The following PCDHA7 variants were observed in gnomAD, a reference collection of about 807,000 sequenced individuals.
The protein encoded by PCDHA7 is protocadherin alpha-7.
Under a neutral mutation model 57.2 loss-of-function variants are expected in PCDHA7, and 37 were observed. The ratio of observed to expected loss-of-function variants is 0.65; its 90% CI spans 0.50 to 0.85. The LOEUF (loss-of-function observed/expected upper bound fraction) is 0.85, where lower values mean the gene tolerates loss of function less well. Ranked by LOEUF, PCDHA7 falls within the 40% of genes least tolerant of loss-of-function variation. PCDHA7 has a pLI of 0.00. For missense variants in PCDHA7, 1,188 were observed against 1,241.8 expected (o/e 0.96, Z 0.65); for synonymous variants, 553 against 558.8 (o/e 0.99, Z 0.15).
intron 1 of PCDHA7, among the ~76,000 whole-genome samples, chr5:140,940,019 T>C (rs1554213082): frequency 6.6e-6 from 1 of 152,230 alleles, no homozygotes; most frequent in East Asian, 1.9e-4. Context: ...TTGTGTCATA[T>C]GTTTTAAGGC....
intron 1 of PCDHA7, among the ~76,000 whole-genome samples, chr5:140,974,079 G>A (rs1554235799): frequency 6.6e-6 from 1 of 152,180 alleles, no homozygotes. Flanking sequence ...CTATAACCAT[G>A]ACTTCAAAAA....
chr5:140,968,195 T>C, intron 1 of PCDHA7: 1 of 1,614,076 alleles, frequency 6.2e-7, no homozygotes, highest in East Asian at 2.2e-5. Context: ...CTATTCCATC[T>C]ACATACAGGA....
At chr5:140,900,177 A>G (rs1213706705) in intron 1 of PCDHA7, among the ~76,000 whole-genome samples, 1 of 152,194 alleles carries the variant, frequency 6.6e-6, no homozygotes, top group South Asian at 2.1e-4. Context: ...TGCCTGGTTT[A>G]TGTCACTTAT....
chr5:140,844,390 A>G (rs1233880656), intron 1 of PCDHA7, among the ~76,000 whole-genome samples: 1 of 149,636 alleles, frequency 6.7e-6, no homozygotes, highest in Non-Finnish European at 1.5e-5. Flanking sequence ...TTCATTATTT[A>G]GACCATTTTA....
At chr5:140,903,166 T>C (rs758397398) in intron 1 of PCDHA7, among the ~76,000 whole-genome samples, 34 of 152,226 alleles carry the variant, frequency 2.2e-4, no homozygotes, top group Non-Finnish European at 2.5e-4. Context: ...TGTGCTGGTT[T>C]ACATTCCCAC....
At chr5:140,977,342 T>A (rs1554238451) in intron 1 of PCDHA7, among the ~76,000 whole-genome samples, 1 of 152,222 alleles carries the variant, frequency 6.6e-6, no homozygotes, top group South Asian at 2.1e-4. Context: ...GAGACGGTGA[T>A]GATGACTGAT....
chr5:140,858,610 T>G, intron 1 of PCDHA7: 1 of 1,234,746 alleles, frequency 8.1e-7, no homozygotes, highest in Non-Finnish European at 1.1e-6. Flanking sequence ...TAAAATTTTT[T>G]TATCCTACCC....
At chr5:140,989,531 G>C (rs782610172) in intron 3 of PCDHA7, among the ~76,000 whole-genome samples, 1 of 152,198 alleles carries the variant, frequency 6.6e-6, no homozygotes, top group Non-Finnish European at 1.5e-5. Flanking sequence ...AGAGGAGGAA[G>C]ATAGTTTGTA....
rs552517946 is a variant in PCDHA7 at position 140,913,359 on chromosome 5, A to G, written c.2356-65590A>G. Reference sequence around the variant, plus strand: ...TTTATCCATTTCCTCTAGATTTTTAAATTTATTGGCATATAGTGGCTCATC... The same window carrying G: ...TTTATCCATTTCCTCTAGATTTTTAGATTTATTGGCATATAGTGGCTCATC... On this transcript the variant is annotated intron_variant, in intron 1 of 3. Coordinates refer to ENST00000525929, the MANE Select transcript of PCDHA7 (RefSeq NM_018910.3). Among the ~76,000 whole-genome samples, 4 of 152,082 alleles carry G rather than the reference A, an allele frequency of 2.6e-5. No homozygotes were observed. In the East Asian group the frequency reaches 7.7e-4, roughly 29 times the overall value.
chr5:140,842,235 G>A (rs201880118), intron 1 of PCDHA7: 39 of 1,612,410 alleles, frequency 2.4e-5, no homozygotes, highest in Non-Finnish European at 3.0e-5. Flanking sequence ...ATAGTGATTC[G>A]GGGTAATTTG....
intron 3 of PCDHA7, among the ~76,000 whole-genome samples, chr5:141,005,018 T>G (rs2098193299): frequency 6.6e-6 from 1 of 152,250 alleles, no homozygotes; most frequent in Non-Finnish European, 1.5e-5. Context: ...AGCTGCATTA[T>G]ATATAATTGC....
At chr5:140,957,194 G>A (rs2095341106) in intron 1 of PCDHA7, among the ~76,000 whole-genome samples, 1 of 152,012 alleles carries the variant, frequency 6.6e-6, no homozygotes, top group Non-Finnish European at 1.5e-5. Context: ...TGACCGATTG[G>A]GAATATAAAT....
chr5:140,854,252 TA>T, intron 1 of PCDHA7: 1 of 628,060 alleles, frequency 1.6e-6, no homozygotes, highest in Non-Finnish European at 2.0e-6. Flanking sequence ...TCACTTGGTA[TA>T]AAATGTACAT....
intron 1 of PCDHA7, among the ~76,000 whole-genome samples, chr5:140,951,497 A>G (rs2094591184): frequency 6.6e-6 from 1 of 152,030 alleles, no homozygotes; most frequent in Non-Finnish European, 1.5e-5. Flanking sequence ...GGTGGAAGGC[A>G]AAAGGAAAGC....
chr5:140,955,452 G>A (rs921510611), intron 1 of PCDHA7, among the ~76,000 whole-genome samples: 1 of 152,024 alleles, frequency 6.6e-6, no homozygotes, highest in African/African-American at 2.4e-5. Flanking sequence ...TTTTATAAGG[G>A]CTTTTTCCTT....
chr5:140,996,630 A>G (rs765477034), intron 3 of PCDHA7, among the ~76,000 whole-genome samples: 10 of 152,210 alleles, frequency 6.6e-5, no homozygotes, highest in Non-Finnish European at 1.5e-4. Flanking sequence ...TGGTTCCTGC[A>G]AATTATGTAG....
In PCDHA7 at chr5:140,856,890, G is replaced by A. The variant is rs782469336; in HGVS notation, c.2355+20152G>A. On this transcript the variant is annotated intron_variant, in intron 1 of 3. Transcript: ENST00000525929. ...AACAAGGAAATGATGTATTCATTTA[G>A]CTCTTTGGTCCCACCCACGATAAGA... 2.1e-5 allele frequency: 34 copies of A among 1,596,056 alleles called. 3 individuals carry two copies. The highest frequency in any genetic ancestry group is 2.9e-5 in the Non-Finnish European group (34 of 1,165,980).
chr5:140,929,566 C>A, intron 1 of PCDHA7: 2 of 459,566 alleles, frequency 4.4e-6, no homozygotes, highest in Admixed American at 4.2e-5. Flanking sequence ...TATTTAAGAA[C>A]AATAAAAGTA....
Position 140,995,490 on chromosome 5 carries a change from A to C in PCDHA7, c.2503+12927A>C, listed in dbSNP as rs181247682. Among the ~76,000 whole-genome samples the C allele has an allele frequency of 2.7e-3, 416 of 152,304 alleles. 1 individual carries two copies. The highest frequency in any genetic ancestry group is 4.2e-3 in the Non-Finnish European group (283 of 68,028). ...ATTTTTCATTTAATATTTTCAGACT[A>C]AGGTTGACTGTGGGTAACTGAAGCC... is the stretch of plus-strand genomic sequence containing the variant. On this transcript the variant is annotated intron_variant, in intron 3 of 3. Transcript: ENST00000525929.
Sources: allele counts gnomAD v4.1 joint callset (sites outside exome capture counted in the v4.1 genomes callset), GRCh38; gene constraint gnomAD v4.1.1; transcripts MANE v1.5; gene names NCBI Gene and HGNC (gene_info 2026-07-23, HGNC 2026-07-21).